The following DNAJC11 variants were observed in gnomAD, a reference collection of about 807,000 sequenced individuals.
DNAJC11 encodes dnaJ homolog subfamily C member 11.
A neutral mutation model predicts 78.6 loss-of-function variants in DNAJC11; 15 were observed. The ratio of observed to expected loss-of-function variants is 0.19; its 90% CI spans 0.13 to 0.29. DNAJC11 has a LOEUF of 0.29. DNAJC11 is among the 10% of genes least tolerant of loss of function. DNAJC11 has a pLI of 1.00. For synonymous variants in DNAJC11, 292 were observed against 272.1 expected (o/e 1.07, Z -0.72); for missense variants, 547 against 709.6 (o/e 0.77, Z 2.60).
At chr1:6,696,618 A>G (rs1261926421) in intron 1 of DNAJC11, among the ~76,000 whole-genome samples, 2 of 152,214 alleles carry the variant, frequency 1.3e-5, no homozygotes, top group African/African-American at 4.8e-5. Context: ...ACCCTGTACC[A>G]GAGAAGGAAT....
At chr1:6,641,299 T>C (rs1641871019) in intron 10 of DNAJC11, among the ~76,000 whole-genome samples, 2 of 150,772 alleles carry the variant, frequency 1.3e-5, no homozygotes, top group African/African-American at 4.9e-5. Flanking sequence ...GGTAGGAGAA[T>C]TGCTTGAACC....
chr1:6,691,202 A>AG (rs1642739576), intron 1 of DNAJC11, among the ~76,000 whole-genome samples: 1 of 151,736 alleles, frequency 6.6e-6, no homozygotes, highest in African/African-American at 2.4e-5. Flanking sequence ...AAAAAAAAAA[A>AG]AAGCAGGAAG....
rs1269396962 is a variant in DNAJC11 at position 6,700,866 on chromosome 1, C to CG, written c.72+862dup. On this transcript the variant is annotated intron_variant, in intron 1 of 15. Transcript: ENST00000377577. ...GCAGGGCTGAAAAGTCTGGACCCAT[C>CG]GGCTTAAAGAAACTGATCCACCTCA... Among the ~76,000 whole-genome samples, 3 of 152,264 alleles carry CG rather than the reference C, an allele frequency of 2.0e-5. No homozygotes were observed. The East Asian group carries it at 5.8e-4, about 29-fold the overall frequency.
At chr1:6,664,246 T>C (rs904433062) in intron 4 of DNAJC11, among the ~76,000 whole-genome samples, 3 of 151,270 alleles carry the variant, frequency 2.0e-5, no homozygotes, top group Non-Finnish European at 3.0e-5. Context: ...TCTTTCTTTT[T>C]TTTTTTTTTT....
At chr1:6,662,089 C>T (rs1159402929) in intron 4 of DNAJC11, among the ~76,000 whole-genome samples, 61 of 150,274 alleles carry the variant, frequency 4.1e-4, no homozygotes, top group African/African-American at 1.4e-3. Context: ...GTAGCTGGGA[C>T]TACAGGAGCA....
At position 6,634,258 on chromosome 1, in the gene DNAJC11, C is replaced by A; in HGVS notation, c.*1417G>T. 1.2e-6 allele frequency: 1 copy of A among 858,028 alleles called. No individual in the cohort carries two copies. The highest frequency in any genetic ancestry group is 1.8e-6 in the Non-Finnish European group (1 of 567,846). 53.2% of individuals were successfully genotyped at this position (858,028 alleles called of 1,614,324 possible). On this transcript the variant is annotated 3_prime_UTR_variant, in exon 16 of 16. Transcript: ENST00000377577. ...GAGGATGGGTGCCCAGAAGCACCTG[C>A]GGCAGAGGCGCACGGGAAGCCCGGG...
In DNAJC11 at chr1:6,641,434, A is replaced by C. The variant is rs577037315; in HGVS notation, c.1098-1377T>G. ...ACACACACACACACACACACACACA[A>C]ACAGAGACAGGTTAAATGTGAATGG... On this transcript the variant is annotated intron_variant, in intron 10 of 15. Transcript: ENST00000377577. Among the ~76,000 whole-genome samples the C allele has an allele frequency of 6.3e-4, 86 of 137,390 alleles. 1 individual carries two copies. Among genetic ancestry groups the C allele is most frequent in the Admixed American group, 5.2e-3 (69 of 13,150 alleles). 90.1% of individuals were successfully genotyped at this position (137,390 alleles called of 152,430 possible).
chr1:6,658,912 A>G (rs1021642562), intron 4 of DNAJC11, among the ~76,000 whole-genome samples: 2 of 152,172 alleles, frequency 1.3e-5, no homozygotes, highest in Admixed American at 1.3e-4. Context: ...CCCAGATAGG[A>G]GCAATGCCTG....
intron 4 of DNAJC11, among the ~76,000 whole-genome samples, chr1:6,654,823 G>A (rs1308004916): frequency 6.7e-6 from 1 of 149,018 alleles, no homozygotes; most frequent in Admixed American, 6.8e-5. Flanking sequence ...TCTGTCACCA[G>A]GCAACATTAG....
intron 3 of DNAJC11, among the ~76,000 whole-genome samples, chr1:6,676,658 C>T (rs1304856283): frequency 7.9e-5 from 12 of 151,940 alleles, no homozygotes; most frequent in Admixed American, 3.9e-4. Flanking sequence ...GCAGCCTGGG[C>T]GACAGAGCAC....
intron 4 of DNAJC11, among the ~76,000 whole-genome samples, chr1:6,665,083 G>C (rs1012986143): frequency 2.0e-5 from 3 of 152,100 alleles, no homozygotes; most frequent in Non-Finnish European, 4.4e-5. Context: ...TTCTGTTTTT[G>C]TTTAAGACAG....
chr1:6,652,851 G>A lies in DNAJC11; in HGVS notation c.608C>T (p.Thr203Ile). 1.2e-6 allele frequency: 2 copies of A among 1,614,162 alleles called. No homozygotes were observed. The highest frequency in any genetic ancestry group is 1.7e-6 in the Non-Finnish European group (2 of 1,180,028). Reference protein sequence around the residue: ...GSINFALRRVTSAKGWGELEF... With the variant: ...GSINFALRRVISAKGWGELEF... ...TACCTCTCCCCATCCCTTTGCCGAA[G>A]TTACTCGTCTGAGCGCAAAGTTAAT... The change falls in exon 6 of 16, where the codon ACT becomes ATT. Residue 203 changes from threonine to isoleucine, a missense_variant. Physicochemically the swap from Thr to Ile is moderately conservative, Grantham distance 89. Coordinates refer to ENST00000377577, the MANE Select transcript of DNAJC11 (RefSeq NM_018198.4).
intron 4 of DNAJC11, among the ~76,000 whole-genome samples, chr1:6,663,363 G>A (rs1231906675): frequency 6.6e-6 from 1 of 152,144 alleles, no homozygotes; most frequent in Non-Finnish European, 1.5e-5. Flanking sequence ...CACGAAGGAG[G>A]CAGCAATGAA....
chr1:6,662,560 A>C (rs1453582010), intron 4 of DNAJC11, among the ~76,000 whole-genome samples: 1 of 152,096 alleles, frequency 6.6e-6, no homozygotes, highest in African/African-American at 2.4e-5. Flanking sequence ...GTAAAAACGC[A>C]CCAATCAGCG....
rs558811067 is a variant in DNAJC11, at chr1:6,664,303, G to A, written c.378+3406C>T. Among the ~76,000 whole-genome samples, 44 of 150,810 alleles carry A rather than the reference G, an allele frequency of 2.9e-4. 1 individual carries two copies. The highest frequency in any genetic ancestry group is 8.1e-4 in the African/African-American group (33 of 40,968). On this transcript the variant is annotated intron_variant, in intron 4 of 15. Coordinates refer to ENST00000377577, the MANE Select transcript of DNAJC11 (RefSeq NM_018198.4). ...GGCCCAGGCTGGAGTGCAGTGGTGCGATCTCAGCTCACTGCAAGCTCTGCC... is the reference window on the plus strand; with the variant it reads ...GGCCCAGGCTGGAGTGCAGTGGTGCAATCTCAGCTCACTGCAAGCTCTGCC...
chr1:6,683,056 G>A (rs1642579134), intron 1 of DNAJC11, among the ~76,000 whole-genome samples: 1 of 152,206 alleles, frequency 6.6e-6, no homozygotes, highest in African/African-American at 2.4e-5. Context: ...GAACTACTCT[G>A]TCAGAATAGG....
intron 1 of DNAJC11, among the ~76,000 whole-genome samples, chr1:6,699,310 A>T (rs1642888666): frequency 2.6e-5 from 4 of 152,142 alleles, no homozygotes; most frequent in Non-Finnish European, 1.5e-5. Context: ...ACAAACAAAC[A>T]AAATTTCTTT....
In DNAJC11 at chr1:6,653,900, G is replaced by T; in HGVS notation, c.507+11C>A. On this transcript the variant is annotated intron_variant, in intron 5 of 15. Coordinates refer to ENST00000377577, the MANE Select transcript of DNAJC11 (RefSeq NM_018198.4). The surrounding 1 kb of genome is among the most constrained non-coding windows in gnomAD (Gnocchi z 4.5). Reference sequence around the variant, plus strand: ...CCTTGCTGTACTCGGAGAGGTGGTTGTGTGCTTTACCTCAATGGACTGGGA... The same window carrying T: ...CCTTGCTGTACTCGGAGAGGTGGTTTTGTGCTTTACCTCAATGGACTGGGA... 2 of 1,611,232 alleles carry T rather than the reference G, an allele frequency of 1.2e-6. No homozygotes were observed. The highest frequency in any genetic ancestry group is 1.7e-6 in the Non-Finnish European group (2 of 1,177,820).
intron 10 of DNAJC11, among the ~76,000 whole-genome samples, chr1:6,640,725 G>A (rs1045406256): frequency 1.3e-5 from 2 of 152,000 alleles, no homozygotes; most frequent in Non-Finnish European, 1.5e-5. Flanking sequence ...CCAGCTACTC[G>A]GGAGGCTGAG....
Sources: allele counts gnomAD v4.1 joint callset (sites outside exome capture counted in the v4.1 genomes callset), GRCh38; gene constraint gnomAD v4.1.1; non-coding constraint Gnocchi (gnomAD v3.1); transcripts MANE v1.5; gene names NCBI Gene and HGNC (gene_info 2026-07-23, HGNC 2026-07-21).